TMEM209: variants seen among roughly 807,000 people sequenced by gnomAD.
TMEM209 encodes transmembrane protein 209.
TMEM209 carries 65 observed loss-of-function variants against 76.2 expected under a neutral mutation model. The ratio of observed to expected loss-of-function variants is 0.85; its 90% CI spans 0.70 to 1.05. The LOEUF is 1.05. Among genes scored for constraint, TMEM209 ranks in the 50% least tolerant of loss-of-function variants. The pLI is 0.00. For synonymous variants in TMEM209, 239 were observed against 237.6 expected (o/e 1.01, Z -0.06); for missense variants, 623 against 685.5 (o/e 0.91, Z 1.02).
intron 10 of TMEM209, among the ~76,000 whole-genome samples, chr7:130,177,647 G>A (rs770277740): frequency 3.3e-5 from 5 of 152,160 alleles, no homozygotes; most frequent in African/African-American, 4.8e-5. Context: ...GAAAGTGGAC[G>A]GGGTATGGAT....
intron 14 of TMEM209, among the ~76,000 whole-genome samples, chr7:130,169,062 C>T (rs1796966979): frequency 6.6e-6 from 1 of 151,882 alleles, no homozygotes; most frequent in Non-Finnish European, 1.5e-5. Flanking sequence ...CATGGAGAAA[C>T]CCCGTCTCTA....
rs758053205 is a variant in TMEM209 at position 130,192,738 on chromosome 7, C to T, written c.659G>A (p.Arg220His). ...VESSGLRSRY[R>H]SSPTVYNSPT... ...TGAGTTGTAGACGGTAGGTGAAGAA[C>T]GGTAGCGAGATCTCAATCCACTGCT... is the stretch of plus-strand genomic sequence containing the variant. The change falls in exon 6 of 15, where the codon CGT becomes CAT. Residue 220 changes from arginine (R) to histidine (H), a missense_variant. Coordinates refer to ENST00000397622, the MANE Select transcript of TMEM209 (RefSeq NM_032842.4). The T allele has an allele frequency of 9.3e-6, 15 of 1,613,736 alleles. No homozygotes were observed. The highest frequency in any genetic ancestry group is 2.7e-5 in the African/African-American group (2 of 74,910).
At chr7:130,191,015 C>A (rs1001143716) in intron 6 of TMEM209, among the ~76,000 whole-genome samples, 24 of 151,160 alleles carry the variant, frequency 1.6e-4, no homozygotes, top group Admixed American at 8.6e-4. Flanking sequence ...GACCAAATAA[C>A]TATATAGTTT....
At chr7:130,167,583 G>A (rs920932695) in intron 14 of TMEM209, among the ~76,000 whole-genome samples, 3 of 151,964 alleles carry the variant, frequency 2.0e-5, no homozygotes, top group African/African-American at 7.2e-5. Context: ...AATTACTACT[G>A]CTCATATTAT....
Position 130,184,890 on chromosome 7 carries a change from A to AGACT in TMEM209, c.951+298_951+301dup, listed in dbSNP as rs1413810297. Among the ~76,000 whole-genome samples, 4 of 152,360 alleles carry AGACT rather than the reference A, an allele frequency of 2.6e-5. No individual in the cohort carries two copies. In the East Asian group the frequency reaches 7.7e-4, roughly 29 times the overall value. ...CTAATCCAAATATATTTTAAAAGCA[A>AGACT]GACTTCTGTATGTGTTAAGTACAAT... On this transcript the variant is annotated intron_variant, in intron 7 of 14. Transcript: ENST00000397622.
chr7:130,179,001 T>C (rs1797328533), intron 9 of TMEM209, among the ~76,000 whole-genome samples: 1 of 152,164 alleles, frequency 6.6e-6, no homozygotes, highest in South Asian at 2.1e-4. Context: ...TTGCCTAGGC[T>C]GGTCTCAAAC....
At position 130,202,653 on chromosome 7, in the gene TMEM209, A is replaced by G. The variant is rs373847062; in HGVS notation, c.210T>C (p.Leu70=). 2.0e-5 allele frequency: 33 copies of G among 1,613,048 alleles called. No individual in the cohort carries two copies. The highest frequency in any genetic ancestry group is 2.8e-5 in the Non-Finnish European group (33 of 1,179,598). Residue 70 remains leucine (L), a synonymous_variant, in exon 4 of 15, where the codon CTT becomes CTC. Coordinates refer to ENST00000397622, the MANE Select transcript of TMEM209 (RefSeq NM_032842.4). The part of the protein sequence containing the change: ...YWPLWYIELA[L]ASLFSLNALF... ...AGGCATTAAGGCTGAAGAGAGATGC[A>G]AGGGCAAGCTCTGGAAGAGAACAAT...
intron 10 of TMEM209, 53 bp from the exon 11 acceptor site, chr7:130,175,662 G>C: frequency 1.5e-6 from 2 of 1,333,310 alleles, no homozygotes; most frequent in Non-Finnish European, 2.0e-6. Context: ...AAAAAGAAAA[G>C]AAAAAAAAAG....
Position 130,204,036 on chromosome 7 carries a change from C to T in TMEM209, c.78G>A (p.Arg26=). ...GGAGTCCCCAGGCTAAGACCACTTT[C>T]CTAGCCTCTGTTTCTTTTCTCATCT... ...TIKMRKETEA[R]KVVLAWGLLN... The change falls in exon 2 of 15, where the codon AGG becomes AGA. Residue 26 remains arginine (R), a synonymous_variant. Transcript: ENST00000397622. 1 of 1,613,572 alleles carries T rather than the reference C, an allele frequency of 6.2e-7. No individual in the cohort carries two copies. Among genetic ancestry groups the T allele is most frequent in the African/African-American group, 1.3e-5 (1 of 75,024 alleles).
chr7:130,170,188 C>T (rs182807084), intron 14 of TMEM209, among the ~76,000 whole-genome samples: 35 of 152,282 alleles, frequency 2.3e-4, no homozygotes, highest in African/African-American at 6.5e-4. Context: ...ATAATGCTAA[C>T]GATGTAGTCC....
rs1797419954 is a variant in TMEM209 at position 130,181,707 on chromosome 7, T to C, written c.1036A>G (p.Thr346Ala). The C allele has an allele frequency of 3.1e-6, 5 of 1,607,972 alleles. No homozygotes were observed. Among genetic ancestry groups the C allele is most frequent in the Non-Finnish European group, 3.4e-6 (4 of 1,177,026 alleles). ...TCTTGAACAAGTGGCACTAATATTG[T>C]CTCATTGATCCACTAGAAGAAATAA... ...TAKFRNWINETILVPLVQEIE... is the reference protein window; with the variant it reads ...TAKFRNWINEAILVPLVQEIE... The change falls in exon 9 of 15, where the codon ACA becomes GCA. Residue 346 changes from threonine (T) to alanine (A), a missense_variant. Thr to Ala is a moderately conservative substitution (Grantham distance 58). Coordinates refer to ENST00000397622, the MANE Select transcript of TMEM209 (RefSeq NM_032842.4).
chr7:130,193,135 T>G (rs949720096), intron 5 of TMEM209, among the ~76,000 whole-genome samples: 41 of 152,346 alleles, frequency 2.7e-4, no homozygotes, highest in Middle Eastern at 3.4e-3. Context: ...CAAACCTGTA[T>G]GTTTATGGCA....
At chr7:130,200,951 C>T (rs1477263714) in intron 5 of TMEM209, among the ~76,000 whole-genome samples, 7 of 151,506 alleles carry the variant, frequency 4.6e-5, no homozygotes, top group South Asian at 2.1e-4. Flanking sequence ...TAGCCGGGCA[C>T]GGTGGTGGAC....
At chr7:130,204,395 G>A (rs1798346442) in intron 1 of TMEM209, among the ~76,000 whole-genome samples, 1 of 152,188 alleles carries the variant, frequency 6.6e-6, no homozygotes, top group Non-Finnish European at 1.5e-5. Flanking sequence ...AGGCTAGAAT[G>A]CAGTGGCGCG....
At chr7:130,166,622 C>A in intron 14 of TMEM209, 117 bp from the exon 15 acceptor site, 2 of 591,892 alleles carry the variant, frequency 3.4e-6, no homozygotes, top group East Asian at 3.1e-5. Context: ...TGTGATTCTG[C>A]AATGAATTAT....
At chr7:130,193,553 A>G (rs913512656) in intron 5 of TMEM209, among the ~76,000 whole-genome samples, 10 of 152,178 alleles carry the variant, frequency 6.6e-5, no homozygotes, top group Non-Finnish European at 1.3e-4. Flanking sequence ...AGAAAAAAAA[A>G]AAAGTGAGCT....
intron 7 of TMEM209, 128 bp downstream of exon 7, chr7:130,185,064 C>G: frequency 9.0e-7 from 1 of 1,114,562 alleles, no homozygotes; most frequent in Non-Finnish European, 1.2e-6. Flanking sequence ...TTCCCACTGC[C>G]TAATGTGTGC....
Position 130,166,193 on chromosome 7 carries a change from C to T in TMEM209, c.*258G>A, listed in dbSNP as rs193144576. ...GCACTATTTTGAGTCAATAAAAATCCGAAGGGTTGCAGTTTTGTAGTCAAC... is the reference window on the plus strand; with the variant it reads ...GCACTATTTTGAGTCAATAAAAATCTGAAGGGTTGCAGTTTTGTAGTCAAC... On this transcript the variant is annotated 3_prime_UTR_variant, in exon 15 of 15. Coordinates refer to ENST00000397622, the MANE Select transcript of TMEM209 (RefSeq NM_032842.4). 14 of 298,724 alleles carry T rather than the reference C, an allele frequency of 4.7e-5. No individual in the cohort carries two copies. The highest frequency in any genetic ancestry group is 7.3e-5 in the Non-Finnish European group (12 of 164,382). 18.5% of individuals were successfully genotyped at this position (298,724 alleles called of 1,614,324 possible).
At chr7:130,194,071 C>T (rs1276520719) in intron 5 of TMEM209, among the ~76,000 whole-genome samples, 2 of 151,400 alleles carry the variant, frequency 1.3e-5, no homozygotes, top group African/African-American at 2.4e-5. Context: ...TGGTGGCGGG[C>T]ACCTGTAGTC....
Sources: gnomAD v4.1 joint callset for allele counts (sites outside exome capture counted in the v4.1 genomes callset) on GRCh38, gnomAD v4.1.1 for gene constraint, MANE v1.5 for transcripts, NCBI Gene and HGNC (gene_info 2026-07-23, HGNC 2026-07-21) for gene names.